Variants in RAF1 observed in about 807,000 individuals in gnomAD.
RAF1 encodes Raf-1 proto-oncogene, serine/threonine kinase.
Under a neutral mutation model 81.1 loss-of-function variants are expected in RAF1, and 27 were observed. That is an observed-to-expected ratio of 0.33 (90% confidence interval 0.25 to 0.46). The LOEUF is 0.46. RAF1 is among the 20% of genes least tolerant of loss of function. The pLI is 1.00. For synonymous variants in RAF1, 298 were observed against 294.0 expected, an observed-to-expected ratio of 1.01 and a Z score of -0.14; for missense variants, 598 against 826.0, an observed-to-expected ratio of 0.72 and a Z score of 3.38.
At chr3:12,619,697 C>T (rs1243649068) in intron 1 of RAF1, among the ~76,000 whole-genome samples, 2 of 151,914 alleles carry the variant, frequency 1.3e-5, no homozygotes, top group Admixed American at 1.3e-4. Context: ...CACATTAGTA[C>T]TATGAGAAAT....
At chr3:12,585,443 G>A (rs2058301528) in intron 15 of RAF1, 190 bp from the exon 15 acceptor site, 1 of 985,198 alleles carries the variant, frequency 1.0e-6, no homozygotes, top group Non-Finnish European at 1.2e-6. Flanking sequence ...GTCTTTAAAG[G>A]ACCAAGACCC....
intron 1 of RAF1, among the ~76,000 whole-genome samples, chr3:12,627,947 CCGTCTCT>C (rs1015767811): frequency 6.6e-6 from 1 of 152,114 alleles, no homozygotes; most frequent in Non-Finnish European, 1.5e-5. Context: ...TGGCAAAATC[CCGTCTCT>C]ACTAAAAATA....
chr3:12,587,529 TCCC>T (rs1408759226), intron 14 of RAF1, 59 bp downstream of exon 13: 53 of 1,444,908 alleles, frequency 3.7e-5, no homozygotes, highest in Non-Finnish European at 5.0e-5. Context: ...ATAGAAAGCC[TCCC>T]TTCTGTTTCC....
At chr3:12,644,708 G>C (rs2060292426) in intron 1 of RAF1, among the ~76,000 whole-genome samples, 1 of 152,132 alleles carries the variant, frequency 6.6e-6, no homozygotes, top group Admixed American at 6.6e-5. Context: ...ACATTTTTAA[G>C]TTTTCTTCAA....
chr3:12,598,212 T>C (rs1169430180), intron 11 of RAF1, among the ~76,000 whole-genome samples: 1 of 151,922 alleles, frequency 6.6e-6, no homozygotes, highest in East Asian at 1.9e-4. Flanking sequence ...GGTTTCACGA[T>C]GTTGCCCAAG....
chr3:12,617,796 G>A (rs1280961397), intron 2 of RAF1, among the ~76,000 whole-genome samples: 1 of 151,186 alleles, frequency 6.6e-6, no homozygotes, highest in Non-Finnish European at 1.5e-5. Context: ...GGGAGGCTGA[G>A]GCAGGAGAAT....
chr3:12,663,050 C>T (rs2060929799), intron 1 of RAF1, among the ~76,000 whole-genome samples: 1 of 152,126 alleles, frequency 6.6e-6, no homozygotes, highest in African/African-American at 2.4e-5. Context: ...ACCAGGGGCA[C>T]ACCCAGAGCC....
At chr3:12,662,145 GGCAACACT>G (rs1473343010) in intron 1 of RAF1, among the ~76,000 whole-genome samples, 3 of 151,298 alleles carry the variant, frequency 2.0e-5, no homozygotes, top group Non-Finnish European at 2.9e-5. Context: ...GACCAGCCTA[GGCAACACT>G]GCCAGACTCC....
chr3:12,634,090 C>T (rs1273787764), intron 1 of RAF1, among the ~76,000 whole-genome samples: 3 of 151,770 alleles, frequency 2.0e-5, no homozygotes, highest in Non-Finnish European at 2.9e-5. Flanking sequence ...AGGGACAGAA[C>T]TAGAGAGATA....
intron 3 of RAF1, among the ~76,000 whole-genome samples, chr3:12,611,274 G>C (rs2125427307): frequency 6.6e-6 from 1 of 152,012 alleles, no homozygotes; most frequent in African/African-American, 2.4e-5. Flanking sequence ...CTGGAGTCCA[G>C]TAGCACAATC....
chr3:12,591,641 ACT>A (rs1358477381), intron 12 of RAF1, 65 bp downstream of exon 11: 16 of 1,412,274 alleles, frequency 1.1e-5, no homozygotes, highest in South Asian at 3.5e-5. Context: ...CAGTCCACTA[ACT>A]CTACAGTCCT....
At chr3:12,587,450 CTT>C in intron 14 of RAF1, 139 bp downstream of exon 13, 1 of 862,304 alleles carries the variant, frequency 1.2e-6, no homozygotes, top group Non-Finnish European at 2.0e-6. Flanking sequence ...AATTTTCTGA[CTT>C]TTCTGTTTTC....
chr3:12,651,621 C>A (rs1450192714), intron 1 of RAF1, among the ~76,000 whole-genome samples: 2 of 148,314 alleles, frequency 1.3e-5, no homozygotes, highest in African/African-American at 5.0e-5. Flanking sequence ...ACCACTGCAC[C>A]CTAGCCTGGG....
chr3:12,604,144 T>C lies in RAF1; in HGVS notation c.826A>G (p.Met276Val), dbSNP rs1189618862. Residue 276 changes from methionine to valine, a missense_variant, in exon 7 of 18, where the codon ATG becomes GTG. Met to Val is a conservative substitution (Grantham distance 21). This residue lies in a region of RAF1 where 194 missense variants were observed against 202.7 expected (regional missense o/e 0.96). Coordinates refer to ENST00000442415, the MANE Select transcript of RAF1 (RefSeq NM_001354689.3). ...CCAAGGTGCCCTATTACCTCAATCA[T>C]CCTGCTGTCCACAGGCAGGGTGGTG... is the stretch of plus-strand genomic sequence containing the variant. The C allele has an allele frequency of 6.2e-7, 1 of 1,614,172 alleles. No individual in the cohort carries two copies. Among genetic ancestry groups the C allele is most frequent in the Admixed American group, 1.7e-5 (1 of 60,018 alleles).
intron 3 of RAF1, among the ~76,000 whole-genome samples, chr3:12,610,550 G>C (rs1215733848): frequency 6.6e-6 from 1 of 152,138 alleles, no homozygotes; most frequent in African/African-American, 2.4e-5. Flanking sequence ...GAACACTATG[G>C]ATTGGCTTAG....
At chr3:12,657,983 C>T (rs1428611908) in intron 1 of RAF1, among the ~76,000 whole-genome samples, 1 of 152,268 alleles carries the variant, frequency 6.6e-6, no homozygotes, top group Non-Finnish European at 1.5e-5. Flanking sequence ...CTGGACATTA[C>T]ATATAAATGG....
At chr3:12,611,276 A>G (rs7626030) in intron 3 of RAF1, among the ~76,000 whole-genome samples, 128,349 of 151,852 alleles carry the variant, frequency 0.85, 54,701 homozygotes, top group African/African-American at 0.95. Context: ...GGAGTCCAGT[A>G]GCACAATCAT....
chr3:12,620,900 CAGAGTTCAGTTCATTCAGAGTT>C lies in RAF1; in HGVS notation c.-26-2175_-26-2154del, dbSNP rs1200157845. Among the ~76,000 whole-genome samples, 5 of 5,038 alleles carry C rather than the reference CAGAGTTCAGTTCATTCAGAGTT, an allele frequency of 9.9e-4. No individual in the cohort carries two copies. In the African/African-American group the frequency reaches 0.024, roughly 24 times the overall value. 3.3% of individuals were successfully genotyped at this position (5,038 alleles called of 152,430 possible). ...ATTTTCTACCATAACATTCAGAGTT[CAGAGTTCAGTTCATTCAGAGTT>C]CAGAGTTCAGTTCATTCAGAGTTCA... On this transcript the variant is annotated intron_variant, in intron 1 of 17. Transcript: ENST00000442415.
chr3:12,604,175 C>T lies in RAF1; in HGVS notation c.795G>A (p.Met265Ile), dbSNP rs2125397377. 6.2e-7 allele frequency: 1 copy of T among 1,614,148 alleles called. No homozygotes were observed. Among genetic ancestry groups the T allele is most frequent in the Non-Finnish European group, 8.5e-7 (1 of 1,180,024 alleles). ...TGTCCACAGGCAGGGTGGTGCTGAC[C>T]ATGTGGACATTAGGTGTGGATGTCG... is the stretch of plus-strand genomic sequence containing the variant. Residue 265 changes from methionine (M) to isoleucine (I), a missense_variant, in exon 7 of 18, where the codon ATG (methionine) becomes ATA (isoleucine). Met to Ile is a conservative substitution (Grantham distance 10, BLOSUM62 1). Coordinates refer to ENST00000442415, the MANE Select transcript of RAF1 (RefSeq NM_001354689.3).
Sources: gnomAD v4.1 joint callset for allele counts (sites outside exome capture counted in the v4.1 genomes callset) on GRCh38, gnomAD v4.1.1 for gene constraint, gnomAD v4.1.1 regional missense constraint, MANE v1.5 for transcripts, NCBI Gene and HGNC (gene_info 2026-07-23, HGNC 2026-07-21) for gene names.